The following ANO2 variants were observed in gnomAD, a reference collection of about 807,000 sequenced individuals.
ANO2 encodes anoctamin-2.
ANO2 carries 101 observed loss-of-function variants against 124.2 expected under a neutral mutation model. The observed-to-expected ratio is 0.81, with a 90% CI of 0.69 to 0.96. ANO2 has a LOEUF of 0.96. ANO2 is among the 40% of genes least tolerant of loss of function. The pLI, the probability that ANO2 is intolerant of heterozygous loss-of-function variation, is 0.00. For synonymous variants in ANO2, 486 were observed against 482.5 expected, an observed-to-expected ratio of 1.01 and a Z score of -0.09; for missense variants, 1,293 against 1,274.5, an observed-to-expected ratio of 1.01 and a Z score of -0.22.
chr12:5,825,273 G>A (rs1953922231), intron 7 of ANO2, among the ~76,000 whole-genome samples: 1 of 152,182 alleles, frequency 6.6e-6, no homozygotes. Context: ...GCCTTTTGAA[G>A]TCACAATTGC....
chr12:5,739,395 G>T lies in ANO2; in HGVS notation c.1356C>A (p.Thr452=). The part of the protein sequence containing the change: ...FFSIFMALWA[T]MFLENWKRLQ... ...GCCTCTTCCAGTTTTCCAGGAACAT[G>T]GTAGCTTAAAAAGAACAACAAGAAC... The change falls in exon 13 of 25, where the codon ACC becomes ACA. Residue 452 remains threonine, a synonymous_variant. Coordinates refer to ENST00000682330, the MANE Select transcript of ANO2 (RefSeq NM_001364791.2). The T allele has an allele frequency of 6.3e-7, 1 of 1,598,792 alleles. No homozygotes were observed. Among genetic ancestry groups the T allele is most frequent in the East Asian group, 2.2e-5 (1 of 44,474 alleles).
chr12:5,767,329 A>G (rs1165631515), intron 10 of ANO2, among the ~76,000 whole-genome samples: 2 of 152,298 alleles, frequency 1.3e-5, no homozygotes, highest in African/African-American at 4.8e-5. Flanking sequence ...GAAAATCCCA[A>G]TGACAGAAGA....
At chr12:5,670,884 G>C (rs1392793436) in intron 14 of ANO2, among the ~76,000 whole-genome samples, 4 of 152,072 alleles carry the variant, frequency 2.6e-5, no homozygotes, top group Non-Finnish European at 5.9e-5. Flanking sequence ...ATGTAAGGTG[G>C]GTCTCCATGG....
At chr12:5,814,407 A>G (rs1357499080) in intron 7 of ANO2, among the ~76,000 whole-genome samples, 4 of 152,226 alleles carry the variant, frequency 2.6e-5, no homozygotes, top group African/African-American at 7.2e-5. Context: ...CCTTGCATGT[A>G]TCTGTCTTCT....
chr12:5,767,811 G>A (rs1438392417), intron 10 of ANO2, among the ~76,000 whole-genome samples: 1 of 152,068 alleles, frequency 6.6e-6, no homozygotes, highest in Non-Finnish European at 1.5e-5. Context: ...AAAAGTGGAG[G>A]GCCTCTCTGG....
rs1429625736 is a variant in ANO2, at chr12:5,612,949, G to A, written c.1938C>T (p.Gly646=). The change falls in exon 18 of 25, where the codon GGC becomes GGT. Residue 646 remains glycine, a synonymous_variant. Coordinates refer to ENST00000682330, the MANE Select transcript of ANO2 (RefSeq NM_001364791.2). ...YVAFFKGRFV[G]RPGSYVYVFD... is the part of the protein sequence containing the mutation. ...ATACATAGACGTAGCTTCCAGGCCT[G>A]CCCACAAACCTGAAATCAAACAGTG... 1.2e-6 allele frequency: 2 copies of A among 1,613,790 alleles called. No individual in the cohort carries two copies. Among genetic ancestry groups the A allele is most frequent in the East Asian group, 2.2e-5 (1 of 44,886 alleles).
chr12:5,631,520 C>T (rs1427732402), intron 16 of ANO2, among the ~76,000 whole-genome samples: 1 of 152,236 alleles, frequency 6.6e-6, no homozygotes, highest in Non-Finnish European at 1.5e-5. Context: ...GACCTTGTCG[C>T]TTGTCTTTGC....
At chr12:5,621,134 A>C (rs1945098378) in intron 16 of ANO2, among the ~76,000 whole-genome samples, 1 of 151,876 alleles carries the variant, frequency 6.6e-6, no homozygotes, top group South Asian at 2.1e-4. Context: ...GTGACTCTGA[A>C]CCCTCGCGCT....
intron 15 of ANO2, among the ~76,000 whole-genome samples, chr12:5,647,500 C>T (rs1946700973): frequency 6.6e-6 from 1 of 152,190 alleles, no homozygotes; most frequent in Non-Finnish European, 1.5e-5. Context: ...TGGTCTGTCT[C>T]CATGCAGAAG....
At chr12:5,872,329 A>G (rs1055582349) in intron 3 of ANO2, among the ~76,000 whole-genome samples, 3 of 152,118 alleles carry the variant, frequency 2.0e-5, no homozygotes, top group Admixed American at 6.5e-5. Context: ...GATGGCCCCA[A>G]GGAGCTCATA....
intron 3 of ANO2, among the ~76,000 whole-genome samples, chr12:5,915,364 T>C (rs1941319650): frequency 6.6e-6 from 1 of 151,984 alleles, no homozygotes; most frequent in Admixed American, 6.6e-5. Context: ...GCACAAAAAA[T>C]GAAAAAGTGA....
Position 5,827,903 on chromosome 12 carries a change from G to A in ANO2, c.841-83C>T. ...GTGTCACCCTCACCACTGCCTGGCA[G>A]GGGCGGGAGGCGCCCGGGCTCATTT... is the stretch of plus-strand genomic sequence containing the variant. On this transcript the variant is annotated intron_variant, in intron 6 of 24. Transcript: ENST00000682330. The A allele has an allele frequency of 4.1e-6, 6 of 1,479,318 alleles. No individual in the cohort carries two copies. In the South Asian group the frequency reaches 7.5e-5, roughly 18 times the overall value. 91.6% of individuals were successfully genotyped at this position (1,479,318 alleles called of 1,614,324 possible).
chr12:5,595,995 G>A (rs7972384), intron 20 of ANO2, among the ~76,000 whole-genome samples: 47,122 of 152,066 alleles, frequency 0.31, 7,477 homozygotes, highest in Admixed American at 0.39. Context: ...TATTCTTTCA[G>A]AAAGCAATTT....
In ANO2 at chr12:5,890,486, T is replaced by TAA. The variant is rs767712352; in HGVS notation, c.534+30552_534+30553dup. 1.8e-4 allele frequency among the ~76,000 whole-genome samples: 28 copies of TAA among 152,356 alleles called. No homozygotes were observed. The Middle Eastern group carries it at 0.01, about 56-fold the overall frequency. ...GCAACTCTGTCTTCTAGGATTTTCC[T>TAA]AAAGGCACACATTAAATTGTGAGAT... On this transcript the variant is annotated intron_variant, in intron 3 of 24. Coordinates refer to ENST00000682330, the MANE Select transcript of ANO2 (RefSeq NM_001364791.2).
intron 14 of ANO2, among the ~76,000 whole-genome samples, chr12:5,697,463 A>T (rs982168236): frequency 3.2e-4 from 49 of 152,060 alleles, no homozygotes; most frequent in Admixed American, 2.2e-3. Flanking sequence ...TTAAAAAATT[A>T]AAAAAAATAG....
In ANO2 at chr12:5,656,169, A is replaced by T. The variant is rs1362989078; in HGVS notation, c.1546-8368T>A. ...ACAGGGTTGCAGTGAGTTTAATACC[A>T]GCACTTCCCCATACTCTTTTCCTAG... is the stretch of plus-strand genomic sequence containing the variant. On this transcript the variant is annotated intron_variant, in intron 14 of 24. Transcript: ENST00000682330. Among the ~76,000 whole-genome samples the T allele has an allele frequency of 5.3e-5, 8 of 152,300 alleles. No individual in the cohort carries two copies. The East Asian group carries it at 1.5e-3, about 29-fold the overall frequency.
chr12:5,669,838 T>C (rs1947903516), intron 14 of ANO2, among the ~76,000 whole-genome samples: 1 of 152,236 alleles, frequency 6.6e-6, no homozygotes, highest in Non-Finnish European at 1.5e-5. Flanking sequence ...GTGAGCTCCC[T>C]GAGAGAAGTG....
intron 3 of ANO2, among the ~76,000 whole-genome samples, chr12:5,917,360 A>C (rs1186869646): frequency 5.3e-5 from 1 of 18,990 alleles, no homozygotes; most frequent in Non-Finnish European, 4.5e-3. Flanking sequence ...TGTACATGCT[A>C]AGAAAAAAAA....
At chr12:5,747,055 T>A (rs1386542677) in intron 11 of ANO2, among the ~76,000 whole-genome samples, 1 of 152,198 alleles carries the variant, frequency 6.6e-6, no homozygotes, top group Non-Finnish European at 1.5e-5. Context: ...AAGCTCCACC[T>A]CATCAATGTC....
Sources: gnomAD v4.1 joint callset for allele counts (sites outside exome capture counted in the v4.1 genomes callset) on GRCh38, gnomAD v4.1.1 for gene constraint, MANE v1.5 for transcripts, NCBI Gene and HGNC (gene_info 2026-07-23, HGNC 2026-07-21) for gene names.